Variants in AGBL4 observed in about 807,000 individuals in gnomAD.
AGBL4 encodes the protein AGBL carboxypeptidase 4, also known as cytosolic carboxypeptidase 6.
A neutral mutation model predicts 66.4 loss-of-function variants in AGBL4; 58 were observed. That is an observed-to-expected ratio of 0.87 (90% confidence interval 0.71 to 1.09). AGBL4 has a LOEUF of 1.09. Among genes scored for constraint, AGBL4 ranks in the 50% least tolerant of loss-of-function variants. The pLI is 0.00. For synonymous variants in AGBL4, 234 were observed against 222.9 expected (o/e 1.05, Z -0.44); for missense variants, 579 against 631.0 (o/e 0.92, Z 0.88).
intron 3 of AGBL4, among the ~76,000 whole-genome samples, chr1:49,575,229 G>A (rs1334123942): frequency 6.6e-6 from 1 of 152,128 alleles, no homozygotes; most frequent in Non-Finnish European, 1.5e-5. Context: ...TTAAAGTAGG[G>A]GCTTATGGAG....
chr1:48,674,119 C>G (rs1156580308), intron 6 of AGBL4, among the ~76,000 whole-genome samples: 1 of 152,224 alleles, frequency 6.6e-6, no homozygotes, highest in Non-Finnish European at 1.5e-5. Flanking sequence ...CCTCCTCACA[C>G]CTTTCTAGTT....
At chr1:48,884,399 T>C (rs1186392636) in intron 5 of AGBL4, among the ~76,000 whole-genome samples, 1 of 152,114 alleles carries the variant, frequency 6.6e-6, no homozygotes, top group Non-Finnish European at 1.5e-5. Context: ...GACTTTTTTT[T>C]TTTTTCCTAT....
intron 2 of AGBL4, among the ~76,000 whole-genome samples, chr1:49,720,116 C>G (rs1402714621): frequency 1.3e-5 from 2 of 152,040 alleles, no homozygotes; most frequent in Non-Finnish European, 2.9e-5. Flanking sequence ...GAAAACTGAT[C>G]CCAGCAATAA....
chr1:48,785,576 C>T (rs954630146), intron 6 of AGBL4, among the ~76,000 whole-genome samples: 4 of 151,984 alleles, frequency 2.6e-5, no homozygotes, highest in Admixed American at 1.3e-4. Flanking sequence ...TTTCCAAATA[C>T]GAGGAGAGAA....
At chr1:48,573,010 A>G (rs964540126) in intron 11 of AGBL4, among the ~76,000 whole-genome samples, 74 of 152,156 alleles carry the variant, frequency 4.9e-4, no homozygotes, top group African/African-American at 1.7e-3. Flanking sequence ...GCACATCCCT[A>G]CTAACACAGG....
chr1:49,616,713 A>C (rs1378620209), intron 3 of AGBL4, among the ~76,000 whole-genome samples: 1 of 152,128 alleles, frequency 6.6e-6, no homozygotes, highest in East Asian at 1.9e-4. Context: ...CTTTCCTCTC[A>C]AACTTGCTTC....
intron 6 of AGBL4, among the ~76,000 whole-genome samples, chr1:48,778,617 TTAG>T (rs150531651): frequency 1.3e-5 from 2 of 152,364 alleles, no homozygotes; most frequent in East Asian, 3.9e-4. Flanking sequence ...TTTTAGCTTC[TTAG>T]TAGTGGTAGA....
chr1:49,441,700 A>T (rs886867998), intron 3 of AGBL4, among the ~76,000 whole-genome samples: 3 of 152,196 alleles, frequency 2.0e-5, no homozygotes, highest in African/African-American at 7.2e-5. Context: ...CTCAACTTCA[A>T]AATTTAAATA....
At chr1:48,959,595 T>C (rs866874913) in intron 5 of AGBL4, among the ~76,000 whole-genome samples, 23 of 152,082 alleles carry the variant, frequency 1.5e-4, no homozygotes, top group African/African-American at 5.1e-4. Context: ...TTAGATAGGA[T>C]GGTCAGGGAA....
At chr1:49,769,509 C>G (rs901121324) in intron 2 of AGBL4, among the ~76,000 whole-genome samples, 1 of 152,114 alleles carries the variant, frequency 6.6e-6, no homozygotes, top group African/African-American at 2.4e-5. Flanking sequence ...AATAGCCAAG[C>G]AATTCTAAGC....
intron 3 of AGBL4, among the ~76,000 whole-genome samples, chr1:49,598,322 T>C (rs545273525): frequency 6.6e-6 from 1 of 152,356 alleles, no homozygotes; most frequent in African/African-American, 2.4e-5. Flanking sequence ...TTTTCTGCTC[T>C]GTTTTTTCCC....
At chr1:49,484,416 C>A (rs1023653897) in intron 3 of AGBL4, among the ~76,000 whole-genome samples, 3 of 151,934 alleles carry the variant, frequency 2.0e-5, no homozygotes, top group Middle Eastern at 3.4e-3. Context: ...ACTATTCAGC[C>A]GTAAAAAAAG....
chr1:49,428,154 G>A (rs540385824), intron 3 of AGBL4, among the ~76,000 whole-genome samples: 4 of 152,148 alleles, frequency 2.6e-5, no homozygotes, highest in African/African-American at 9.7e-5. Context: ...TGGCACATTG[G>A]CTAATGAACT....
intron 1 of AGBL4, among the ~76,000 whole-genome samples, chr1:49,911,240 C>T (rs553206832): frequency 1.3e-4 from 20 of 152,090 alleles, no homozygotes; most frequent in African/African-American, 2.9e-4. Context: ...GCTGGACTCG[C>T]GAGCCTTTTG....
chr1:49,819,512 A>T (rs72686756), intron 2 of AGBL4, among the ~76,000 whole-genome samples: 3,920 of 152,278 alleles, frequency 0.026, 77 homozygotes, highest in Non-Finnish European at 0.04. Flanking sequence ...TTTTCCCAAG[A>T]CCACATAGAT....
In AGBL4 at chr1:50,001,478, T is replaced by C. The variant is rs962779124; in HGVS notation, c.34+22285A>G. Among the ~76,000 whole-genome samples the C allele has an allele frequency of 2.1e-5, 3 of 145,070 alleles. No homozygotes were observed. In the Admixed American group the frequency reaches 2.1e-4, roughly 10 times the overall value. On this transcript the variant is annotated intron_variant, in intron 1 of 13. Coordinates refer to ENST00000371839, the MANE Select transcript of AGBL4 (RefSeq NM_032785.4). ...GTGTGTGTCCGTATATGTGTGTGTCTATATATACATATATATGTATGTGTG... is the reference window on the plus strand; with the variant it reads ...GTGTGTGTCCGTATATGTGTGTGTCCATATATACATATATATGTATGTGTG...
chr1:49,026,843 C>T (rs1044147534), intron 5 of AGBL4, among the ~76,000 whole-genome samples: 4 of 152,178 alleles, frequency 2.6e-5, no homozygotes, highest in East Asian at 3.9e-4. Flanking sequence ...TTTCCTATCT[C>T]ATTACATGTG....
chr1:49,888,552 G>T (rs1044884425), intron 1 of AGBL4, among the ~76,000 whole-genome samples: 2 of 152,078 alleles, frequency 1.3e-5, no homozygotes, highest in African/African-American at 4.8e-5. Context: ...TAATAAATAA[G>T]AGTTAAACTA....
At chr1:49,172,877 G>A (rs1312109248) in intron 4 of AGBL4, among the ~76,000 whole-genome samples, 1 of 152,178 alleles carries the variant, frequency 6.6e-6, no homozygotes, top group African/African-American at 2.4e-5. Flanking sequence ...TGTAATCCCA[G>A]CACCGTGGGA....
Sources: gnomAD v4.1 joint callset for allele counts (sites outside exome capture counted in the v4.1 genomes callset) on GRCh38, gnomAD v4.1.1 for gene constraint, MANE v1.5 for transcripts, NCBI Gene and HGNC (gene_info 2026-07-23, HGNC 2026-07-21) for gene names.